The following PRKG1 variants were observed in gnomAD, a reference collection of about 807,000 sequenced individuals.
PRKG1 encodes protein kinase cGMP-dependent 1, also known as cGMP-dependent protein kinase 1.
A neutral mutation model predicts 88.1 loss-of-function variants in PRKG1; 35 were observed. The observed-to-expected ratio is 0.40, with a 90% CI of 0.30 to 0.53. The LOEUF (loss-of-function observed/expected upper bound fraction) is 0.53. PRKG1 is among the 20% of genes least tolerant of loss of function. PRKG1 has a pLI of 0.59. For missense variants in PRKG1, 540 were observed against 839.8 expected (o/e 0.64, Z 4.41); for synonymous variants, 303 against 292.5 (o/e 1.04, Z -0.37).
At chr10:51,806,104 A>G (rs147538250) in intron 4 of PRKG1, among the ~76,000 whole-genome samples, 28 of 152,274 alleles carry the variant, frequency 1.8e-4, no homozygotes, top group African/African-American at 6.3e-4. Context: ...GAGAATGAAT[A>G]TTCACTTTAA....
At chr10:51,258,330 A>G (rs1187547738) in intron 2 of PRKG1, among the ~76,000 whole-genome samples, 3 of 152,228 alleles carry the variant, frequency 2.0e-5, no homozygotes, top group African/African-American at 7.2e-5. Context: ...TTTGGTTACC[A>G]GATTCAAAGC....
intron 2 of PRKG1, among the ~76,000 whole-genome samples, chr10:51,324,571 C>CAAAAAAAAAAAAA (rs34429733): frequency 1.2e-5 from 1 of 84,434 alleles, no homozygotes. Flanking sequence ...ACTAAAAATA[C>CAAAAAAAAAAAAA]AAAAAAAAAA....
intron 7 of PRKG1, among the ~76,000 whole-genome samples, chr10:52,129,261 C>G (rs1273139153): frequency 6.6e-6 from 1 of 151,998 alleles, no homozygotes; most frequent in Non-Finnish European, 1.5e-5. Flanking sequence ...TTATTAAGAC[C>G]TTTGTATTAT....
intron 5 of PRKG1, among the ~76,000 whole-genome samples, chr10:52,006,884 G>A (rs1463628235): frequency 2.2e-4 from 34 of 151,960 alleles, no homozygotes; most frequent in Admixed American, 2.2e-3. Flanking sequence ...GAGAAGGGGT[G>A]GATCACCTAC....
intron 1 of PRKG1, among the ~76,000 whole-genome samples, chr10:51,090,069 G>A (rs1844360357): frequency 6.6e-6 from 1 of 152,174 alleles, no homozygotes; most frequent in Non-Finnish European, 1.5e-5. Flanking sequence ...AACTAGGTGT[G>A]TAATATTGAA....
intron 2 of PRKG1, among the ~76,000 whole-genome samples, chr10:51,450,591 G>T (rs546501309): frequency 6.6e-6 from 1 of 151,888 alleles, no homozygotes; most frequent in African/African-American, 2.4e-5. Context: ...GCAAATTCTG[G>T]GCCATCATTT....
chr10:51,683,187 C>T (rs1840893713), intron 3 of PRKG1, among the ~76,000 whole-genome samples: 1 of 151,990 alleles, frequency 6.6e-6, no homozygotes, highest in Admixed American at 6.6e-5. Flanking sequence ...AGAAAATGCA[C>T]ATCAAAACCA....
At chr10:51,515,988 C>T (rs1841568963) in intron 3 of PRKG1, among the ~76,000 whole-genome samples, 1 of 152,188 alleles carries the variant, frequency 6.6e-6, no homozygotes, top group Admixed American at 6.5e-5. Flanking sequence ...GGCCCTTTGC[C>T]TTGTCATGTG....
At chr10:51,221,436 ATCTC>A (rs1012608880) in intron 2 of PRKG1, among the ~76,000 whole-genome samples, 2 of 152,052 alleles carry the variant, frequency 1.3e-5, no homozygotes, top group African/African-American at 4.8e-5. Flanking sequence ...AAGTTTCTAA[ATCTC>A]TCTTTGTATA....
At chr10:51,391,569 T>A (rs1837403674) in intron 2 of PRKG1, among the ~76,000 whole-genome samples, 1 of 152,190 alleles carries the variant, frequency 6.6e-6, no homozygotes, top group African/African-American at 2.4e-5. Flanking sequence ...ACATTATCAT[T>A]TTTCATCTGG....
intron 1 of PRKG1, among the ~76,000 whole-genome samples, chr10:51,019,137 CCT>C (rs1217152045): frequency 6.6e-6 from 1 of 152,088 alleles, no homozygotes; most frequent in African/African-American, 2.4e-5. Flanking sequence ...TACTATTATA[CCT>C]CTAAACGGTC....
chr10:51,691,624 G>A (rs1192173000), intron 3 of PRKG1, among the ~76,000 whole-genome samples: 1 of 152,116 alleles, frequency 6.6e-6, no homozygotes, highest in Non-Finnish European at 1.5e-5. Context: ...CCTTGAGCAA[G>A]TTTTTCTATG....
chr10:51,578,268 T>TC (rs1837938436), intron 3 of PRKG1, among the ~76,000 whole-genome samples: 1 of 152,162 alleles, frequency 6.6e-6, no homozygotes, highest in Non-Finnish European at 1.5e-5. Flanking sequence ...AAGACTTAAC[T>TC]CCAAGTGGTC....
intron 9 of PRKG1, among the ~76,000 whole-genome samples, chr10:52,171,310 T>G (rs1243571695): frequency 6.6e-6 from 1 of 152,144 alleles, no homozygotes; most frequent in African/African-American, 2.4e-5. Context: ...CAATATCCTC[T>G]TCCAAAATGG....
intron 9 of PRKG1, among the ~76,000 whole-genome samples, chr10:52,208,248 G>A (rs1839872446): frequency 1.3e-5 from 2 of 152,100 alleles, no homozygotes; most frequent in Non-Finnish European, 2.9e-5. Flanking sequence ...TGTTACAAAT[G>A]AAAGGAACTC....
intron 2 of PRKG1, among the ~76,000 whole-genome samples, chr10:51,265,305 G>GGA (rs1487337527): frequency 6.6e-6 from 1 of 152,034 alleles, no homozygotes; most frequent in Non-Finnish European, 1.5e-5. Flanking sequence ...ACTACTGCTA[G>GGA]GGTTGCCAGA....
intron 3 of PRKG1, among the ~76,000 whole-genome samples, chr10:51,607,805 A>C (rs1389909754): frequency 6.6e-6 from 1 of 152,172 alleles, no homozygotes; most frequent in African/African-American, 2.4e-5. Context: ...TTAGAGGAGG[A>C]GTGTAGAGAA....
In PRKG1 at chr10:51,229,941, A is replaced by AG. The variant is rs1554849262; in HGVS notation, c.478+76611_478+76612insG. Among the ~76,000 whole-genome samples, 88 of 136,004 alleles carry AG rather than the reference A, an allele frequency of 6.5e-4. 9 individuals are homozygous for AG. Among genetic ancestry groups the AG allele is most frequent in the Middle Eastern group, 3.8e-3 (1 of 260 alleles). 89.2% of individuals were successfully genotyped at this position (136,004 alleles called of 152,430 possible). A position where few individuals can be genotyped will look rare whatever the true frequency, so the allele number is the denominator to read the frequency against. On this transcript the variant is annotated intron_variant, in intron 2 of 17. Transcript: ENST00000373980. Reference sequence around the variant, plus strand: ...GAGGCGATCTCAAAAAAAAAAAAAAAAAAAAAAGAAAAAGAAAAAAGAAAG... The same window carrying AG: ...GAGGCGATCTCAAAAAAAAAAAAAAAGAAAAAAAGAAAAAGAAAAAAGAAAG...
At chr10:51,632,344 A>G (rs1839548240) in intron 3 of PRKG1, among the ~76,000 whole-genome samples, 1 of 152,202 alleles carries the variant, frequency 6.6e-6, no homozygotes, top group African/African-American at 2.4e-5. Context: ...CTGTCATTCA[A>G]CTGTCTGCTG....
Sources: allele counts gnomAD v4.1 joint callset (sites outside exome capture counted in the v4.1 genomes callset), GRCh38; gene constraint gnomAD v4.1.1; transcripts MANE v1.5; gene names NCBI Gene and HGNC (gene_info 2026-07-23, HGNC 2026-07-21).